Variants in PTPN3 observed in about 807,000 individuals in gnomAD.
PTPN3 encodes protein tyrosine phosphatase non-receptor type 3.
Under a neutral mutation model 132.7 loss-of-function variants are expected in PTPN3, and 96 were observed. The observed-to-expected ratio is 0.72, with a 90% CI of 0.61 to 0.86. The LOEUF (loss-of-function observed/expected upper bound fraction) is 0.86, where lower values mean the gene tolerates loss of function less well. Among genes scored for constraint, PTPN3 ranks in the 40% least tolerant of loss-of-function variants. PTPN3 has a pLI of 0.00. For missense variants in PTPN3, 1,125 were observed against 1,159.6 expected (o/e 0.97, Z 0.43); for synonymous variants, 398 against 429.0 (o/e 0.93, Z 0.89).
At chr9:109,449,701 T>C (rs1845123100) in intron 5 of PTPN3, 1 of 985,452 alleles carries the variant, frequency 1.0e-6, no homozygotes, top group Middle Eastern at 5.2e-4. Context: ...TCAAACGGGA[T>C]AGACATTCCA....
At chr9:109,511,453 A>G in the PTPN3 span, 9,687 of 153,626 alleles carry the variant, frequency 0.063, 466 homozygotes, top group East Asian at 0.23. Flanking sequence ...GAGCATGGCC[A>G]TAGGACTTCG....
At chr9:109,476,514 T>C (rs569794185) in intron 1 of PTPN3, among the ~76,000 whole-genome samples, 1 of 152,308 alleles carries the variant, frequency 6.6e-6, no homozygotes, top group South Asian at 2.1e-4. Context: ...TGCTGGGAGC[T>C]GAGAATACAG....
At chr9:109,465,182 G>A (rs572751516) in intron 1 of PTPN3, among the ~76,000 whole-genome samples, 24 of 152,324 alleles carry the variant, frequency 1.6e-4, no homozygotes, top group African/African-American at 3.4e-4. Flanking sequence ...TGGTTTAACC[G>A]GTGATTTCAA....
intron 12 of PTPN3, among the ~76,000 whole-genome samples, chr9:109,424,383 GTCCTCCCAAGCCA>G (rs1388751294): frequency 6.6e-6 from 1 of 152,194 alleles, no homozygotes; most frequent in Non-Finnish European, 1.5e-5. Flanking sequence ...CTGCTGACTT[GTCCTCCCAAGCCA>G]TCCTCCCAAC....
intron 1 of PTPN3, among the ~76,000 whole-genome samples, chr9:109,483,485 G>A (rs1350834990): frequency 6.6e-6 from 1 of 152,156 alleles, no homozygotes; most frequent in African/African-American, 2.4e-5. Context: ...ATCAATCAGA[G>A]AGAGAGGGAT....
At chr9:109,420,088 C>T (rs1842785200) in intron 14 of PTPN3, among the ~76,000 whole-genome samples, 1 of 152,078 alleles carries the variant, frequency 6.6e-6, no homozygotes, top group African/African-American at 2.4e-5. Flanking sequence ...TTAGCATGGC[C>T]CTAGAGTCTG....
At chr9:109,467,017 A>AT (rs1005282468) in intron 1 of PTPN3, among the ~76,000 whole-genome samples, 5 of 152,054 alleles carry the variant, frequency 3.3e-5, no homozygotes, top group South Asian at 2.1e-4. Context: ...TGAAATACTA[A>AT]TAAAAAAAAA....
At chr9:109,500,375 A>G (rs1490748113), upstream of PTPN3, among the ~76,000 whole-genome samples, 1 of 152,164 alleles carries the variant, frequency 6.6e-6, no homozygotes, top group Non-Finnish European at 1.5e-5. Context: ...GATGCCCTCA[A>G]CTTTGAGCTA....
chr9:109,517,862 C>A, the PTPN3 span, among the ~76,000 whole-genome samples: 2 of 152,088 alleles, frequency 1.3e-5, no homozygotes, highest in Admixed American at 6.5e-5. Flanking sequence ...CAGTGGGAGA[C>A]CCTAGCAGAA....
chr9:109,404,111 C>T (rs1200024953), intron 19 of PTPN3, among the ~76,000 whole-genome samples: 1 of 152,156 alleles, frequency 6.6e-6, no homozygotes. Context: ...CAGAGTCCCT[C>T]CTCCTCAGTT....
intron 5 of PTPN3, chr9:109,449,684 C>G (rs557799882): frequency 2.0e-6 from 2 of 985,424 alleles, no homozygotes; most frequent in South Asian, 4.7e-5. Flanking sequence ...CTTTTTTAAA[C>G]CCAGATTCAA....
chr9:109,394,691 AATG>A (rs759787361), intron 19 of PTPN3, among the ~76,000 whole-genome samples: 5 of 152,380 alleles, frequency 3.3e-5, no homozygotes, highest in East Asian at 3.8e-4. Flanking sequence ...TAATTTATAC[AATG>A]ATGATCATAT....
rs1293697190 is a variant in PTPN3 at position 109,408,790 on chromosome 9, A to ATAT, written c.1579-414_1579-413insATA. 6.6e-3 allele frequency among the ~76,000 whole-genome samples: 389 copies of ATAT among 59,198 alleles called. 3 individuals carry two copies. Among genetic ancestry groups the ATAT allele is most frequent in the Admixed American group, 0.02 (120 of 6,042 alleles). 38.8% of individuals were successfully genotyped at this position (59,198 alleles called of 152,430 possible). A position where few individuals can be genotyped will look rare whatever the true frequency, so the allele number is the denominator to read the frequency against. ...TAGAACTTATAATAATTAAAAAAAA[A>ATAT]AAAAAAATATATATATATATATATA... On this transcript the variant is annotated intron_variant, in intron 16 of 25. Transcript: ENST00000374541.
chr9:109,415,036 G>GTCCGTCCATCCGTCCA (rs141471672), intron 14 of PTPN3, among the ~76,000 whole-genome samples: 2 of 145,812 alleles, frequency 1.4e-5, no homozygotes, highest in East Asian at 2.0e-4. Flanking sequence ...CCGTCTGTCC[G>GTCCGTCCATCCGTCCA]TCCGTCCGTC....
chr9:109,391,966 C>A (rs953566884), intron 19 of PTPN3, among the ~76,000 whole-genome samples: 1 of 151,532 alleles, frequency 6.6e-6, no homozygotes, highest in Non-Finnish European at 1.5e-5. Flanking sequence ...GTGAACCACA[C>A]CCTTCCTTTA....
intron 14 of PTPN3, among the ~76,000 whole-genome samples, chr9:109,416,432 GT>G (rs1183800985): frequency 2.1e-5 from 3 of 140,092 alleles, no homozygotes; most frequent in Non-Finnish European, 4.7e-5. Context: ...GAAGTTTTTT[GT>G]TTTTTGTTTT....
chr9:109,446,248 C>A (rs881723), intron 6 of PTPN3, among the ~76,000 whole-genome samples: 58,566 of 151,968 alleles, frequency 0.39, 12,007 homozygotes, highest in African/African-American at 0.52. Flanking sequence ...CTTCCCAGCA[C>A]CCCAGTGGGA....
the PTPN3 span, chr9:109,533,854 C>A: frequency 1.2e-6 from 1 of 813,736 alleles, no homozygotes; most frequent in South Asian, 1.5e-5. Flanking sequence ...GGTAGTTTTG[C>A]TGGTAATTGG....
At chr9:109,432,281 C>T (rs1036548637) in intron 10 of PTPN3, among the ~76,000 whole-genome samples, 1 of 151,964 alleles carries the variant, frequency 6.6e-6, no homozygotes, top group Non-Finnish European at 1.5e-5. Flanking sequence ...TGGCACATAC[C>T]TGGCACCAAA....
Sources: allele counts gnomAD v4.1 joint callset (sites outside exome capture counted in the v4.1 genomes callset), GRCh38; gene constraint gnomAD v4.1.1; transcripts MANE v1.5; gene names NCBI Gene and HGNC (gene_info 2026-07-23, HGNC 2026-07-21).